GRAMD4: variants seen among roughly 807,000 people sequenced by gnomAD.
GRAMD4 encodes GRAM domain containing 4.
Under a neutral mutation model 83.9 loss-of-function variants are expected in GRAMD4, and 25 were observed. The ratio of observed to expected loss-of-function variants is 0.30; its 90% confidence interval spans 0.22 to 0.42. The LOEUF (loss-of-function observed/expected upper bound fraction) is 0.42. GRAMD4 is among the 10% of genes least tolerant of loss of function. GRAMD4 has a pLI of 1.00. For synonymous variants in GRAMD4, 336 were observed against 320.9 expected (o/e 1.05, Z -0.50); for missense variants, 593 against 788.7 (o/e 0.75, Z 2.97).
intron 2 of GRAMD4, among the ~76,000 whole-genome samples, chr22:46,634,181 T>TGGGGAGC (rs1203267079): frequency 1.3e-5 from 2 of 152,064 alleles, no homozygotes; most frequent in Non-Finnish European, 2.9e-5. Context: ...GTTCCCTCGG[T>TGGGGAGC]GGGGAGCGAG....
At position 46,626,932 on chromosome 22, in the gene GRAMD4, C is replaced by A. The variant is rs2081670498; in HGVS notation, c.133C>A (p.Pro45Thr). The A allele has an allele frequency of 2.5e-6, 4 of 1,613,882 alleles. No individual in the cohort carries two copies. The highest frequency in any genetic ancestry group is 1.7e-5 in the Admixed American group (1 of 60,004). Reference protein sequence around the residue: ...EIPLKVPRTSPRDSEELRDPA... With the variant: ...EIPLKVPRTSTRDSEELRDPA... ...CCCCCTGAAGGTACCGCGGACCTCG[C>A]CCCGGGACAGCGAGGAGCTGAGGGA... is the stretch of plus-strand genomic sequence containing the variant. Residue 45 changes from proline (P) to threonine (T), a missense_variant, in exon 2 of 19, where the codon CCC (proline) becomes ACC (threonine). Physicochemically the swap from Pro to Thr is conservative, Grantham distance 38. Transcript: ENST00000406902.
chr22:46,637,578 G>A (rs1315616989), intron 2 of GRAMD4, among the ~76,000 whole-genome samples: 1 of 152,200 alleles, frequency 6.6e-6, no homozygotes, highest in Non-Finnish European at 1.5e-5. Flanking sequence ...CCTTACAGGG[G>A]CTCTGAGGAT....
At chr22:46,644,897 CTTTTTTTTTTTTTTTTTTTT>C (rs35677843) in intron 3 of GRAMD4, among the ~76,000 whole-genome samples, 2 of 40,986 alleles carry the variant, frequency 4.9e-5, no homozygotes, top group Non-Finnish European at 8.0e-5. Context: ...TGCACATGGC[CTTTTTTTTTTTTTTTTTTTT>C]TTTTTTTTTT....
At chr22:46,668,619 C>G in intron 11 of GRAMD4, 70 bp from the exon 12 acceptor site, 1 of 1,442,750 alleles carries the variant, frequency 6.9e-7, no homozygotes, top group African/African-American at 1.4e-5. Context: ...TGGAGGCCCT[C>G]CTGGCGTCGC....
chr22:46,653,843 C>T (rs1311060369), intron 3 of GRAMD4, among the ~76,000 whole-genome samples: 1 of 152,300 alleles, frequency 6.6e-6, no homozygotes, highest in Non-Finnish European at 1.5e-5. Flanking sequence ...TGGCCTACTC[C>T]GCCCAAGAGG....
At chr22:46,585,174 C>T (rs1381786379) in intron 1 of GRAMD4, among the ~76,000 whole-genome samples, 1 of 151,318 alleles carries the variant, frequency 6.6e-6, no homozygotes, top group East Asian at 2.0e-4. Context: ...TGAGTGGAGC[C>T]TGTCTTTTTT....
At chr22:46,676,766 T>C (rs2082605139) in intron 18 of GRAMD4, 98 bp downstream of exon 18, 1 of 1,140,048 alleles carries the variant, frequency 8.8e-7, no homozygotes, top group Admixed American at 2.0e-5. Context: ...AGCCAGAGTT[T>C]TAGTTTGGGC....
intron 9 of GRAMD4, 101 bp from the exon 10 acceptor site, chr22:46,666,724 C>T: frequency 1.0e-6 from 1 of 974,352 alleles, no homozygotes; most frequent in South Asian, 1.3e-5. Context: ...CCTAGAAGGG[C>T]CCCCTCCAAG....
intron 13 of GRAMD4, chr22:46,670,957 G>T: frequency 3.3e-6 from 1 of 302,860 alleles, no homozygotes; most frequent in Non-Finnish European, 7.6e-6. Context: ...CAACCACCCT[G>T]AGATCACCAC....
chr22:46,656,678 C>G (rs1486811243), intron 3 of GRAMD4, among the ~76,000 whole-genome samples: 1 of 152,238 alleles, frequency 6.6e-6, no homozygotes, highest in Non-Finnish European at 1.5e-5. Context: ...GCCAGACCCC[C>G]AAGGGTTCCT....
intron 3 of GRAMD4, among the ~76,000 whole-genome samples, chr22:46,643,137 ATCCT>A (rs1253532829): frequency 3.2e-3 from 167 of 51,520 alleles, no homozygotes; most frequent in African/African-American, 5.7e-3. Context: ...CCATCCATGC[ATCCT>A]TCCATCCATC....
chr22:46,607,204 AAG>A (rs1491125204), intron 1 of GRAMD4, among the ~76,000 whole-genome samples: 93 of 146,252 alleles, frequency 6.4e-4, no homozygotes, highest in Admixed American at 9.9e-4. Flanking sequence ...TGTCTTTAAA[AAG>A]GGGGGGGTCA....
intron 1 of GRAMD4, among the ~76,000 whole-genome samples, chr22:46,586,727 A>C (rs370386138): frequency 4.6e-5 from 7 of 152,184 alleles, no homozygotes; most frequent in East Asian, 3.9e-4. Context: ...AGTTGGGGGG[A>C]ACCCCTACCT....
chr22:46,609,185 C>T (rs531475116), intron 1 of GRAMD4, among the ~76,000 whole-genome samples: 4 of 152,248 alleles, frequency 2.6e-5, no homozygotes, highest in South Asian at 4.1e-4. Flanking sequence ...GCCCCAGAGA[C>T]ATACATCGCA....
At chr22:46,583,646 A>G (rs2081118849) in intron 1 of GRAMD4, among the ~76,000 whole-genome samples, 1 of 152,174 alleles carries the variant, frequency 6.6e-6, no homozygotes, top group African/African-American at 2.4e-5. Flanking sequence ...TGGAATTTGG[A>G]TGTATTTCTC....
chr22:46,603,123 G>A (rs1353865610), intron 1 of GRAMD4, among the ~76,000 whole-genome samples: 1 of 151,398 alleles, frequency 6.6e-6, no homozygotes, highest in Admixed American at 6.6e-5. Flanking sequence ...TTTTTTCCCG[G>A]GTTATCATTT....
At chr22:46,644,413 A>G (rs1034169585) in intron 3 of GRAMD4, among the ~76,000 whole-genome samples, 56 of 140,050 alleles carry the variant, frequency 4.0e-4, no homozygotes, top group African/African-American at 1.1e-3. Flanking sequence ...CCCCTGTTCC[A>G]TGTTACACCT....
chr22:46,590,805 A>G (rs2081199655), intron 1 of GRAMD4, among the ~76,000 whole-genome samples: 2 of 152,240 alleles, frequency 1.3e-5, no homozygotes, highest in South Asian at 4.1e-4. Flanking sequence ...TCATGCCTGT[A>G]ATCCCAACAC....
intron 1 of GRAMD4, among the ~76,000 whole-genome samples, chr22:46,613,581 C>T (rs997348074): frequency 1.3e-5 from 2 of 152,112 alleles, no homozygotes; most frequent in Non-Finnish European, 2.9e-5. Context: ...GGCTGGGTGG[C>T]GGCTACCCGA....
Sources: gnomAD v4.1 joint callset for allele counts (sites outside exome capture counted in the v4.1 genomes callset) on GRCh38, gnomAD v4.1.1 for gene constraint, MANE v1.5 for transcripts, NCBI Gene and HGNC (gene_info 2026-07-23, HGNC 2026-07-21) for gene names.